MAP6: variants seen among roughly 807,000 people sequenced by gnomAD.
MAP6 encodes microtubule-associated protein 6.
MAP6 carries 26 observed loss-of-function variants against 42.4 expected under a neutral mutation model. The observed-to-expected ratio is 0.61, with a 90% CI of 0.45 to 0.85. The LOEUF is 0.85. MAP6 is among the 40% of genes least tolerant of loss of function. MAP6 has a pLI of 0.00. For missense variants in MAP6, 966 were observed against 1,099.0 expected (o/e 0.88, Z 1.71); for synonymous variants, 418 against 443.8 (o/e 0.94, Z 0.73).
At position 75,668,394 on chromosome 11, in the gene MAP6, CTCTT is replaced by C. The variant is rs1944003587; in HGVS notation, c.-29_-26del. ...TGATGCTAGCTGAAAAGCCGGCCTC[CTCTT>C]TCTTCTTGTGGTTCTAAAGCAAGTC... On this transcript the variant is annotated 5_prime_UTR_variant, in exon 1 of 4. Transcript: ENST00000304771. 4 of 1,563,146 alleles carry C rather than the reference CTCTT, an allele frequency of 2.6e-6. No homozygotes were observed. The highest frequency in any genetic ancestry group is 1.4e-5 in the African/African-American group (1 of 71,866).
chr11:75,631,364 A>G (rs1340399653), intron 1 of MAP6, among the ~76,000 whole-genome samples: 1 of 152,218 alleles, frequency 6.6e-6, no homozygotes, highest in African/African-American at 2.4e-5. Context: ...CCTCATCTGT[A>G]AACAGGGATA....
chr11:75,637,866 GGGAA>G lies in MAP6; in HGVS notation c.906-29548_906-29545del, dbSNP rs1282435524. ...AGGGAGGGAAGGAAGGAAGGAGGGA[GGGAA>G]GGAAGGAAGGAAGGACTGAGGGAGG... is the stretch of plus-strand genomic sequence containing the variant. On this transcript the variant is annotated intron_variant, in intron 1 of 3. Transcript: ENST00000304771. 7.9e-4 allele frequency among the ~76,000 whole-genome samples: 110 copies of G among 139,342 alleles called. 1 individual carries two copies. The highest frequency in any genetic ancestry group is 2.5e-3 in the African/African-American group (94 of 37,590). 91.4% of individuals were successfully genotyped at this position (139,342 alleles called of 152,430 possible). A position where few individuals can be genotyped will look rare whatever the true frequency, so the allele number is the denominator to read the frequency against.
At chr11:75,590,492 T>G (rs1942458380) in intron 3 of MAP6, among the ~76,000 whole-genome samples, 1 of 152,182 alleles carries the variant, frequency 6.6e-6, no homozygotes, top group Non-Finnish European at 1.5e-5. Flanking sequence ...CTGTGCCACC[T>G]ACCAAATTTC....
At chr11:75,642,772 A>C in intron 1 of MAP6, 2 of 367,042 alleles carry the variant, frequency 5.4e-6, no homozygotes, top group Non-Finnish European at 1.2e-5. Context: ...AAAAGCTGAA[A>C]TACTACTGCA....
chr11:75,633,643 T>C (rs1389494097), intron 1 of MAP6, among the ~76,000 whole-genome samples: 3 of 152,198 alleles, frequency 2.0e-5, no homozygotes, highest in African/African-American at 7.2e-5. Flanking sequence ...TATGTGTGCT[T>C]ACCTAGGGTC....
At chr11:75,590,880 T>A (rs946983239) in intron 3 of MAP6, among the ~76,000 whole-genome samples, 2 of 151,640 alleles carry the variant, frequency 1.3e-5, no homozygotes, top group Admixed American at 1.3e-4. Context: ...GGTGGGAGAA[T>A]CGTTTTAGCC....
intron 1 of MAP6, among the ~76,000 whole-genome samples, chr11:75,655,599 A>C (rs1943735230): frequency 1.3e-5 from 2 of 152,226 alleles, no homozygotes; most frequent in Non-Finnish European, 2.9e-5. Flanking sequence ...GGAGAAGGGA[A>C]TCTGTTGAGA....
In MAP6 at chr11:75,587,486, T is replaced by C; in HGVS notation, c.2015A>G (p.Gln672Arg). ...GSMVSEPVKNQGLVVSGPVKD... is the reference protein window; with the variant it reads ...GSMVSEPVKNRGLVVSGPVKD... Reference sequence around the variant, plus strand: ...GACTGGCCCTGAGACCACTAAACCTTGATTCTTTACAGGCTCAGAGACCAT... The same window carrying C: ...GACTGGCCCTGAGACCACTAAACCTCGATTCTTTACAGGCTCAGAGACCAT... The change falls in exon 4 of 4, where the codon CAA becomes CGA. Residue 672 changes from glutamine to arginine, a missense_variant. Physicochemically the swap from Gln to Arg is conservative, Grantham distance 43 (BLOSUM62 1). Around this residue, in one of 2 missense-constraint regions of MAP6, gnomAD observed 943 missense variants for 1,049.9 expected, o/e 0.90. Coordinates refer to ENST00000304771, the MANE Select transcript of MAP6 (RefSeq NM_033063.2). 1 of 1,614,106 alleles carries C rather than the reference T, an allele frequency of 6.2e-7. No homozygotes were observed. The highest frequency in any genetic ancestry group is 1.1e-5 in the South Asian group (1 of 91,072).
At chr11:75,646,084 A>G (rs1173707448) in intron 1 of MAP6, among the ~76,000 whole-genome samples, 1 of 151,974 alleles carries the variant, frequency 6.6e-6, no homozygotes, top group Non-Finnish European at 1.5e-5. Context: ...GCAAGTCCAT[A>G]CTTAGATGCA....
intron 1 of MAP6, among the ~76,000 whole-genome samples, chr11:75,614,478 GTACTCTCTCTGGGAT>G (rs1942961241): frequency 6.6e-6 from 1 of 152,134 alleles, no homozygotes; most frequent in African/African-American, 2.4e-5. Context: ...CCTCCTCCTT[GTACTCTCTCTGGGAT>G]TACTCTCTCT....
chr11:75,597,661 C>T (rs942679094), intron 3 of MAP6, among the ~76,000 whole-genome samples: 1 of 152,184 alleles, frequency 6.6e-6, no homozygotes, highest in Non-Finnish European at 1.5e-5. Context: ...AGCAAAGGAT[C>T]GGATCTTGAG....
chr11:75,619,703 C>T (rs1943074420), intron 1 of MAP6, among the ~76,000 whole-genome samples: 1 of 152,248 alleles, frequency 6.6e-6, no homozygotes, highest in South Asian at 2.1e-4. Flanking sequence ...ATATGTATCA[C>T]ATTTTCTTTA....
At chr11:75,605,310 G>A in intron 3 of MAP6, 1 of 985,858 alleles carries the variant, frequency 1.0e-6, no homozygotes, top group Non-Finnish European at 1.2e-6. Flanking sequence ...TGTTATTTTT[G>A]TTTAATATTT....
At chr11:75,628,984 C>T (rs959245869) in intron 1 of MAP6, among the ~76,000 whole-genome samples, 17 of 152,328 alleles carry the variant, frequency 1.1e-4, no homozygotes, top group Middle Eastern at 3.4e-3. Context: ...CATGTTGGAA[C>T]ACAGAGGCTC....
intron 1 of MAP6, among the ~76,000 whole-genome samples, chr11:75,610,120 C>A (rs879308202): frequency 6.6e-6 from 1 of 152,150 alleles, no homozygotes; most frequent in Admixed American, 6.5e-5. Flanking sequence ...GGGTCCCCAC[C>A]AACAAAAAGG....
chr11:75,617,420 G>T (rs1339837466), intron 1 of MAP6, among the ~76,000 whole-genome samples: 1 of 148,664 alleles, frequency 6.7e-6, no homozygotes, highest in African/African-American at 2.5e-5. Flanking sequence ...GGAGGCTGAG[G>T]CAGGAGAATG....
At chr11:75,655,754 T>C (rs944425335) in intron 1 of MAP6, among the ~76,000 whole-genome samples, 2 of 152,182 alleles carry the variant, frequency 1.3e-5, no homozygotes, top group Non-Finnish European at 2.9e-5. Context: ...AAGAATGGCA[T>C]GTTGGACTAG....
At chr11:75,603,600 G>T (rs1942704937) in intron 3 of MAP6, 4 of 356,076 alleles carry the variant, frequency 1.1e-5, no homozygotes, top group Non-Finnish European at 1.5e-5. Flanking sequence ...GTGAGTGGGG[G>T]CGGGGGGTGG....
chr11:75,600,443 T>C (rs562023673), intron 3 of MAP6, among the ~76,000 whole-genome samples: 1 of 152,350 alleles, frequency 6.6e-6, no homozygotes, highest in Admixed American at 6.5e-5. Context: ...AATTCTAGGA[T>C]GGTCTAGGTG....
Sources: allele counts gnomAD v4.1 joint callset (sites outside exome capture counted in the v4.1 genomes callset), GRCh38; gene constraint gnomAD v4.1.1; regional missense constraint gnomAD v4.1.1; transcripts MANE v1.5; gene names NCBI Gene and HGNC (gene_info 2026-07-23, HGNC 2026-07-21).